Variants in COBLL1 observed in about 807,000 individuals in gnomAD.
COBLL1 encodes cordon-bleu WH2 repeat protein like 1, also known as cordon-bleu protein-like 1.
COBLL1 carries 50 observed loss-of-function variants against 94.8 expected under a neutral mutation model. The observed-to-expected ratio is 0.53, with a 90% CI of 0.42 to 0.67. The LOEUF (loss-of-function observed/expected upper bound fraction) is 0.67. COBLL1 is among the 30% of genes least tolerant of loss of function. The pLI, the probability that COBLL1 is intolerant of heterozygous loss-of-function variation, is 0.00. For synonymous variants in COBLL1, 448 were observed against 473.8 expected (o/e 0.95, Z 0.71); for missense variants, 1,362 against 1,348.7 (o/e 1.01, Z -0.15).
intron 2 of COBLL1, among the ~76,000 whole-genome samples, chr2:164,809,834 C>T (rs1684372964): frequency 1.3e-5 from 2 of 151,778 alleles, no homozygotes; most frequent in African/African-American, 2.4e-5. Flanking sequence ...ATTCACATGA[C>T]ATTAACATCA....
chr2:164,743,597 C>A (rs1421066459), intron 3 of COBLL1, 90 bp downstream of exon 3: 1 of 1,050,484 alleles, frequency 9.5e-7, no homozygotes, highest in Admixed American at 1.8e-5. Flanking sequence ...AGTGTTTTGT[C>A]AAAGAACAAA....
intron 13 of COBLL1, 125 bp from the exon 14 acceptor site, chr2:164,686,157 A>G (rs1280289821): frequency 3.6e-5 from 18 of 500,158 alleles, no homozygotes; most frequent in Non-Finnish European, 3.6e-6. Context: ...TCTATTATTC[A>G]ATAAATTATA....
At chr2:164,693,452 T>C (rs1307197599) in intron 12 of COBLL1, among the ~76,000 whole-genome samples, 1 of 152,168 alleles carries the variant, frequency 6.6e-6, no homozygotes, top group Non-Finnish European at 1.5e-5. Context: ...TATGAATGTA[T>C]TCTTTAAACA....
At chr2:164,806,574 G>T (rs1194227451) in intron 2 of COBLL1, among the ~76,000 whole-genome samples, 2 of 152,118 alleles carry the variant, frequency 1.3e-5, no homozygotes, top group African/African-American at 4.8e-5. Flanking sequence ...TTCCTTAGAT[G>T]ACTTAATACG....
At chr2:164,728,427 T>C (rs557646815) in intron 4 of COBLL1, among the ~76,000 whole-genome samples, 2 of 152,224 alleles carry the variant, frequency 1.3e-5, no homozygotes, top group East Asian at 3.9e-4. Context: ...CATTCTATAG[T>C]AAGATTTTAA....
chr2:164,717,328 C>T (rs191492511), intron 7 of COBLL1, among the ~76,000 whole-genome samples: 39 of 152,242 alleles, frequency 2.6e-4, no homozygotes, highest in African/African-American at 7.0e-4. Flanking sequence ...CCTCAACATG[C>T]TATCATTTTC....
intron 2 of COBLL1, among the ~76,000 whole-genome samples, chr2:164,825,794 G>C (rs1026262499): frequency 6.6e-6 from 1 of 152,118 alleles, no homozygotes; most frequent in Non-Finnish European, 1.5e-5. Flanking sequence ...TAAGTGATGT[G>C]GTTGCAGTCA....
intron 2 of COBLL1, among the ~76,000 whole-genome samples, chr2:164,806,413 G>C (rs1179286812): frequency 6.6e-6 from 1 of 152,054 alleles, no homozygotes; most frequent in African/African-American, 2.4e-5. Flanking sequence ...TTTAATTTTG[G>C]ATTTTACAAC....
At chr2:164,708,969 G>T (rs1478446353) in intron 7 of COBLL1, among the ~76,000 whole-genome samples, 1 of 152,092 alleles carries the variant, frequency 6.6e-6, no homozygotes, top group Admixed American at 6.5e-5. Flanking sequence ...GTATCTACTT[G>T]GGAGTTAGAG....
At chr2:164,697,811 A>G (rs767154491) in intron 11 of COBLL1, 3 of 152,036 alleles carry the variant, frequency 2.0e-5, no homozygotes, top group Non-Finnish European at 4.4e-5. Flanking sequence ...ATCCTCATAT[A>G]CAACTGACAA....
rs138933120 is a variant in COBLL1 at position 164,826,281 on chromosome 2, T to A, written c.41+14875A>T. On this transcript the variant is annotated intron_variant, in intron 2 of 13. Transcript: ENST00000652658. ...AGATTAGTACACATTTTGCATTCAA[T>A]GTGCCAAGAACAAGTTCCCTGCATC... 7.2e-3 allele frequency among the ~76,000 whole-genome samples: 1,091 copies of A among 152,312 alleles called. 6 individuals carry two copies. Among genetic ancestry groups the A allele is most frequent in the African/African-American group, 0.024 (1,010 of 41,568 alleles).
At chr2:164,840,326 T>C (rs3769925) in intron 2 of COBLL1, among the ~76,000 whole-genome samples, 25,437 of 152,060 alleles carry the variant, frequency 0.17, 3,280 homozygotes, top group African/African-American at 0.36. Flanking sequence ...ACGAGTTTCC[T>C]ACTTGAGAAA....
intron 2 of COBLL1, among the ~76,000 whole-genome samples, chr2:164,792,131 C>T (rs1021290955): frequency 2.0e-5 from 3 of 151,132 alleles, no homozygotes; most frequent in East Asian, 1.9e-4. Context: ...TTATTTATTA[C>T]TATTATTATC....
intron 2 of COBLL1, among the ~76,000 whole-genome samples, chr2:164,658,295 G>A (rs900300285): frequency 2.6e-4 from 40 of 152,238 alleles, no homozygotes; most frequent in African/African-American, 7.7e-4. Context: ...GAGGTTGGCC[G>A]AAGACCGCTC....
At chr2:164,798,045 A>G (rs1168072317) in intron 2 of COBLL1, among the ~76,000 whole-genome samples, 2 of 152,186 alleles carry the variant, frequency 1.3e-5, no homozygotes, top group Non-Finnish European at 2.9e-5. Context: ...CATACCTAAA[A>G]CAAACCTGAA....
intron 7 of COBLL1, among the ~76,000 whole-genome samples, chr2:164,717,903 T>C (rs1343683708): frequency 2.0e-5 from 3 of 152,218 alleles, no homozygotes; most frequent in Non-Finnish European, 4.4e-5. Flanking sequence ...TATATTTATA[T>C]GCATTATGCA....
chr2:164,794,984 A>C (rs746339831), intron 2 of COBLL1, among the ~76,000 whole-genome samples: 2 of 152,208 alleles, frequency 1.3e-5, no homozygotes, highest in Non-Finnish European at 2.9e-5. Flanking sequence ...GAGCCAATAA[A>C]AACAAAAGTG....
rs541809781 is a variant in COBLL1 at position 164,707,032 on chromosome 2, T to G, written c.997-1927A>C. Reference sequence around the variant, plus strand: ...TGGCCTCTTTGCTGCTCTTCAAATGTGCCGGCAGAGTTCCTCCATCACAGG... The same window carrying G: ...TGGCCTCTTTGCTGCTCTTCAAATGGGCCGGCAGAGTTCCTCCATCACAGG... On this transcript the variant is annotated intron_variant, in intron 7 of 13. Transcript: ENST00000652658. 9.2e-5 allele frequency among the ~76,000 whole-genome samples: 14 copies of G among 152,286 alleles called. No homozygotes were observed. The East Asian group carries it at 2.7e-3, about 29-fold the overall frequency.
At chr2:164,744,215 A>T (rs1182001450) in intron 2 of COBLL1, among the ~76,000 whole-genome samples, 2 of 152,182 alleles carry the variant, frequency 1.3e-5, no homozygotes, top group Non-Finnish European at 2.9e-5. Flanking sequence ...ATAAATTACA[A>T]AAATCCTTAA....
Sources: allele counts gnomAD v4.1 joint callset (sites outside exome capture counted in the v4.1 genomes callset), GRCh38; gene constraint gnomAD v4.1.1; transcripts MANE v1.5; gene names NCBI Gene and HGNC (gene_info 2026-07-23, HGNC 2026-07-21).